Variants in RGS6 observed in about 807,000 individuals in gnomAD.
RGS6 encodes regulator of G protein signaling 6.
A neutral mutation model predicts 78.5 loss-of-function variants in RGS6; 30 were observed. The observed-to-expected ratio is 0.38, with a 90% CI of 0.29 to 0.52. The LOEUF (loss-of-function observed/expected upper bound fraction) is 0.52, where lower values mean the gene tolerates loss of function less well. RGS6 is among the 20% of genes least tolerant of loss of function. The pLI is 0.85. For synonymous variants in RGS6, 206 were observed against 206.0 expected (o/e 1.00, Z 0.00); for missense variants, 495 against 609.7 (o/e 0.81, Z 1.98).
At chr14:72,285,295 C>G (rs368249934) in intron 2 of RGS6, among the ~76,000 whole-genome samples, 7 of 152,228 alleles carry the variant, frequency 4.6e-5, no homozygotes, top group African/African-American at 1.4e-4. Flanking sequence ...TTGTAGCTCC[C>G]GTAGTTCCCA....
intron 2 of RGS6, among the ~76,000 whole-genome samples, chr14:72,310,371 T>C (rs2068288989): frequency 6.6e-6 from 1 of 152,204 alleles, no homozygotes; most frequent in Non-Finnish European, 1.5e-5. Context: ...TCCCTGGGTA[T>C]AAAATACTGA....
chr14:72,607,916 G>A, the RGS6 span, among the ~76,000 whole-genome samples: 2 of 152,222 alleles, frequency 1.3e-5, no homozygotes, highest in Admixed American at 6.5e-5. Flanking sequence ...GCTTAGAAAA[G>A]CAAAGGCTGA....
intron 15 of RGS6, among the ~76,000 whole-genome samples, chr14:72,520,121 T>C (rs1290538964): frequency 2.0e-5 from 3 of 152,196 alleles, no homozygotes; most frequent in African/African-American, 7.2e-5. Context: ...TCCAAGATGT[T>C]GCATCATTTC....
intron 2 of RGS6, among the ~76,000 whole-genome samples, chr14:72,114,610 G>A (rs2095846513): frequency 1.3e-5 from 2 of 152,310 alleles, no homozygotes; most frequent in South Asian, 4.1e-4. Flanking sequence ...AAAAAATGGT[G>A]CGGGAGTTAC....
At chr14:72,136,793 G>C (rs1245540600) in intron 2 of RGS6, among the ~76,000 whole-genome samples, 1 of 152,166 alleles carries the variant, frequency 6.6e-6, no homozygotes, top group Non-Finnish European at 1.5e-5. Flanking sequence ...AGTGGTCTTT[G>C]AACCTGTTTT....
At chr14:72,305,093 G>A (rs190401496) in intron 2 of RGS6, among the ~76,000 whole-genome samples, 1 of 152,274 alleles carries the variant, frequency 6.6e-6, no homozygotes, top group Non-Finnish European at 1.5e-5. Context: ...GTGAGGGCAA[G>A]TGTCTTTTCA....
At chr14:72,200,083 C>T (rs1277990823) in intron 2 of RGS6, among the ~76,000 whole-genome samples, 1 of 152,164 alleles carries the variant, frequency 6.6e-6, no homozygotes, top group Non-Finnish European at 1.5e-5. Context: ...TCTAAAGTGA[C>T]CTAATTAATC....
At chr14:72,556,236 G>A (rs949780084) in intron 17 of RGS6, among the ~76,000 whole-genome samples, 2 of 152,184 alleles carry the variant, frequency 1.3e-5, no homozygotes, top group African/African-American at 4.8e-5. Flanking sequence ...CATGGCTGGG[G>A]AAGCCTCAGG....
At chr14:71,963,248 C>CAT (rs2153044684) in intron 1 of RGS6, among the ~76,000 whole-genome samples, 1 of 152,344 alleles carries the variant, frequency 6.6e-6, no homozygotes, top group Non-Finnish European at 1.5e-5. Flanking sequence ...AATATAGTGT[C>CAT]ATACCAAGGA....
At chr14:72,414,208 A>G (rs894133773) in intron 3 of RGS6, among the ~76,000 whole-genome samples, 15 of 152,288 alleles carry the variant, frequency 9.8e-5, no homozygotes, top group African/African-American at 3.1e-4. Flanking sequence ...AGGTACACCA[A>G]TCAGACGTAG....
chr14:72,012,519 A>AT (rs2085987935), intron 2 of RGS6, among the ~76,000 whole-genome samples: 1 of 152,284 alleles, frequency 6.6e-6, no homozygotes, highest in South Asian at 2.1e-4. Flanking sequence ...GTGCTGTTGG[A>AT]TTTTTAGGCT....
chr14:72,597,800 C>T, the RGS6 span, among the ~76,000 whole-genome samples: 1 of 152,130 alleles, frequency 6.6e-6, no homozygotes, highest in African/African-American at 2.4e-5. Flanking sequence ...TCATTTTTCA[C>T]TATGTGCACC....
chr14:71,963,079 G>A (rs954759072), intron 1 of RGS6, among the ~76,000 whole-genome samples: 2 of 152,196 alleles, frequency 1.3e-5, no homozygotes, highest in Non-Finnish European at 2.9e-5. Context: ...TACCTGCGGG[G>A]AACTTGGTGG....
At chr14:72,122,015 C>T (rs1490334231) in intron 2 of RGS6, among the ~76,000 whole-genome samples, 1 of 152,122 alleles carries the variant, frequency 6.6e-6, no homozygotes, top group African/African-American at 2.4e-5. Flanking sequence ...GTGTACAAGA[C>T]AGTTCCCCAT....
At chr14:72,629,981 A>G in the RGS6 span, among the ~76,000 whole-genome samples, 1 of 152,178 alleles carries the variant, frequency 6.6e-6, no homozygotes, top group African/African-American at 2.4e-5. Context: ...ATTCCCCAGC[A>G]GGTGTAACCA....
intron 2 of RGS6, among the ~76,000 whole-genome samples, chr14:72,026,156 C>T (rs994904277): frequency 2.6e-5 from 4 of 152,072 alleles, no homozygotes; most frequent in African/African-American, 9.7e-5. Context: ...CCTGTAATCC[C>T]AGCACTTTGG....
rs932346811 is a variant in RGS6 at position 71,980,791 on chromosome 14, G to A, written c.84+15916G>A. ...CTTTGTGGCGTTCTCTGTATTTCCT[G>A]AATCTGAAAGTTGGCCTGCCTTGCT... On this transcript the variant is annotated intron_variant, in intron 2 of 17. Coordinates refer to ENST00000553525, the MANE Select transcript of RGS6 (RefSeq NM_001204424.2). Among the ~76,000 whole-genome samples the A allele has an allele frequency of 3.7e-4, 34 of 90,846 alleles. 1 individual carries two copies. The highest frequency in any genetic ancestry group is 1.3e-3 in the African/African-American group (32 of 24,086). The allele number at this position is 90,846 out of a possible 152,430, so 59.6% of individuals were successfully genotyped here.
chr14:72,434,891 T>G (rs1236844658), intron 3 of RGS6, among the ~76,000 whole-genome samples: 1 of 152,240 alleles, frequency 6.6e-6, no homozygotes, highest in African/African-American at 2.4e-5. Flanking sequence ...TCTGTGTCAG[T>G]CCTCACATTT....
chr14:72,037,313 A>G (rs965356622), intron 2 of RGS6, among the ~76,000 whole-genome samples: 8 of 152,272 alleles, frequency 5.3e-5, no homozygotes, highest in African/African-American at 1.7e-4. Flanking sequence ...ACTCTTCACA[A>G]TAAATCTTGC....
Sources: gnomAD v4.1 joint callset for allele counts (sites outside exome capture counted in the v4.1 genomes callset) on GRCh38, gnomAD v4.1.1 for gene constraint, MANE v1.5 for transcripts, NCBI Gene and HGNC (gene_info 2026-07-23, HGNC 2026-07-21) for gene names.